ANKRD55: variants seen among roughly 807,000 people sequenced by gnomAD.
ANKRD55 encodes ankyrin repeat domain 55.
Under a neutral mutation model 60.6 loss-of-function variants are expected in ANKRD55, and 41 were observed. The ratio of observed to expected loss-of-function variants is 0.68; its 90% CI spans 0.53 to 0.88. The LOEUF (loss-of-function observed/expected upper bound fraction) is 0.88, where lower values mean the gene tolerates loss of function less well. ANKRD55 is among the 40% of genes least tolerant of loss of function. ANKRD55 has a pLI of 0.00. For synonymous variants in ANKRD55, 264 were observed against 290.3 expected (o/e 0.91, Z 0.92); for missense variants, 732 against 767.6 (o/e 0.95, Z 0.55).
In ANKRD55 at chr5:56,166,153, T is replaced by TCCTTCCTTC. The variant is rs1554040810; in HGVS notation, c.422+4540_422+4541insGAAGGAAGG. 1.7e-3 allele frequency among the ~76,000 whole-genome samples: 83 copies of TCCTTCCTTC among 49,528 alleles called. 2 individuals are homozygous for TCCTTCCTTC. The highest frequency in any genetic ancestry group is 2.4e-3 in the African/African-American group (30 of 12,278). The allele number at this position is 49,528 out of a possible 152,430, so 32.5% of individuals were successfully genotyped here. A position where few individuals can be genotyped will look rare whatever the true frequency, so the allele number is the denominator to read the frequency against. On this transcript the variant is annotated intron_variant, in intron 5 of 11. Coordinates refer to ENST00000341048, the MANE Select transcript of ANKRD55 (RefSeq NM_024669.3). ...TTCTTTCTTTCTTTCTTTCTTTCTTTCTTCTTTCCTTCCTTCCTTCCTTCC... is the reference window on the plus strand; with the variant it reads ...TTCTTTCTTTCTTTCTTTCTTTCTTTCCTTCCTTCCTTCTTTCCTTCCTTCCTTCCTTCC...
intron 6 of ANKRD55, among the ~76,000 whole-genome samples, chr5:56,149,843 CTT>C (rs763644589): frequency 2.2e-4 from 31 of 140,280 alleles, no homozygotes; most frequent in Admixed American, 3.6e-4. Context: ...TCACTAACTT[CTT>C]TTTTTTTTTT....
intron 2 of ANKRD55, among the ~76,000 whole-genome samples, chr5:56,184,813 G>A (rs1581008047): frequency 6.6e-6 from 1 of 151,836 alleles, no homozygotes; most frequent in Non-Finnish European, 1.5e-5. Flanking sequence ...CAGGAGGATT[G>A]CTTGAGCCCC....
intron 5 of ANKRD55, among the ~76,000 whole-genome samples, chr5:56,166,154 C>CTTTATTTCTTCT (rs11283204): frequency 2.8e-5 from 2 of 71,476 alleles, no homozygotes; most frequent in African/African-American, 1.5e-4. Context: ...TTCTTTCTTT[C>CTTTATTTCTTCT]TTCTTTCCTT....
chr5:56,198,505 G>C (rs183677298), intron 2 of ANKRD55, among the ~76,000 whole-genome samples: 62 of 151,862 alleles, frequency 4.1e-4, no homozygotes, highest in African/African-American at 1.4e-3. Flanking sequence ...GGCTGGTCTT[G>C]AACTCCCAAC....
At chr5:56,137,662 A>G in intron 7 of ANKRD55, 2 of 496,348 alleles carry the variant, frequency 4.0e-6, no homozygotes, top group Non-Finnish European at 7.1e-6. Context: ...TAATCCATGG[A>G]AGAAAAAATT....
chr5:56,212,012 T>A (rs1759684810), intron 2 of ANKRD55, among the ~76,000 whole-genome samples: 1 of 151,500 alleles, frequency 6.6e-6, no homozygotes, highest in African/African-American at 2.4e-5. Flanking sequence ...GTAAAATTTT[T>A]AAAATTTATT....
chr5:56,121,539 A>AT (rs1300156159), intron 8 of ANKRD55, among the ~76,000 whole-genome samples: 4 of 151,742 alleles, frequency 2.6e-5, no homozygotes, highest in Non-Finnish European at 5.9e-5. Flanking sequence ...CACCCAGCTA[A>AT]TTTTTGTATT....
intron 7 of ANKRD55, among the ~76,000 whole-genome samples, chr5:56,143,145 G>A (rs145576622): frequency 1.9e-4 from 29 of 152,212 alleles, no homozygotes; most frequent in African/African-American, 6.5e-4. Flanking sequence ...AGACAGAGAC[G>A]GGCTGGCAAG....
In ANKRD55 at chr5:56,123,699, C is replaced by G. The variant is rs1757146794; in HGVS notation, c.797+3223G>C. 2.0e-5 allele frequency among the ~76,000 whole-genome samples: 3 copies of G among 152,246 alleles called. No individual in the cohort carries two copies. The South Asian group carries it at 6.2e-4, about 32-fold the overall frequency. ...GTGAAATACTCCTTCATGACAATTACTAAGACCGACTGTTTAAATTCCTCT... is the reference window on the plus strand; with the variant it reads ...GTGAAATACTCCTTCATGACAATTAGTAAGACCGACTGTTTAAATTCCTCT... On this transcript the variant is annotated intron_variant, in intron 8 of 11. Transcript: ENST00000341048.
At chr5:56,148,879 G>C (rs889583988) in intron 6 of ANKRD55, among the ~76,000 whole-genome samples, 1 of 152,102 alleles carries the variant, frequency 6.6e-6, no homozygotes, top group South Asian at 2.1e-4. Context: ...TATAGCAGGT[G>C]TCTGCTGGCT....
chr5:56,166,158 T>TTTCTTTCTTTCTTTCTTTCTTCTTTCC (rs1554040812), intron 5 of ANKRD55, among the ~76,000 whole-genome samples: 32 of 72,354 alleles, frequency 4.4e-4, no homozygotes, highest in Admixed American at 5.9e-4. Context: ...TTCTTTCTTC[T>TTTCTTTCTTTCTTTCTTTCTTCTTTCC]TTCCTTCCTT....
intron 2 of ANKRD55, among the ~76,000 whole-genome samples, chr5:56,208,776 C>A (rs1261856872): frequency 6.6e-6 from 1 of 152,114 alleles, no homozygotes; most frequent in Non-Finnish European, 1.5e-5. Flanking sequence ...TTTATACCAG[C>A]ATCATCACAA....
intron 9 of ANKRD55, among the ~76,000 whole-genome samples, chr5:56,113,836 G>A (rs918943023): frequency 1.3e-5 from 2 of 151,842 alleles, no homozygotes; most frequent in Non-Finnish European, 2.9e-5. Flanking sequence ...TTTCAGTAGA[G>A]ATGGGGTTTT....
chr5:56,210,560 CAAAAAAAAAAAAAAA>C (rs59566826), intron 2 of ANKRD55, among the ~76,000 whole-genome samples: 1 of 65,158 alleles, frequency 1.5e-5, no homozygotes, highest in Non-Finnish European at 3.2e-5. Flanking sequence ...GACTACGTCT[CAAAAAAAAAAAAAAA>C]AAAAAAAAAA....
At chr5:56,219,006 C>T (rs1376414494) in intron 2 of ANKRD55, among the ~76,000 whole-genome samples, 4 of 152,096 alleles carry the variant, frequency 2.6e-5, no homozygotes, top group Admixed American at 1.3e-4. Flanking sequence ...GGCACAGTGA[C>T]TCACACCTGT....
chr5:56,229,093 G>GTTTTT (rs77788173), intron 2 of ANKRD55, among the ~76,000 whole-genome samples: 1 of 126,772 alleles, frequency 7.9e-6, no homozygotes, highest in African/African-American at 3.0e-5. Flanking sequence ...CCCCTCGCCT[G>GTTTTT]TTTTTTTTTT....
chr5:56,183,686 A>C, intron 2 of ANKRD55, 52 bp from the exon 3 acceptor site: 8 of 1,600,346 alleles, frequency 5.0e-6, no homozygotes, highest in Non-Finnish European at 6.8e-6. Context: ...GTTCACTGAA[A>C]GAATAACAAT....
chr5:56,138,372 C>T (rs766499786), intron 7 of ANKRD55, among the ~76,000 whole-genome samples: 16 of 152,168 alleles, frequency 1.1e-4, no homozygotes, highest in Admixed American at 6.5e-4. Context: ...ATGATCCGCC[C>T]GCCTTGGCCT....
At chr5:56,198,406 C>A (rs184050652) in intron 2 of ANKRD55, among the ~76,000 whole-genome samples, 18 of 152,184 alleles carry the variant, frequency 1.2e-4, no homozygotes, top group Admixed American at 1.0e-3. Context: ...CTTCCTCAGC[C>A]TCCCGAGTAG....
Sources: gnomAD v4.1 joint callset for allele counts (sites outside exome capture counted in the v4.1 genomes callset) on GRCh38, gnomAD v4.1.1 for gene constraint, MANE v1.5 for transcripts, NCBI Gene and HGNC (gene_info 2026-07-23, HGNC 2026-07-21) for gene names.